Variants in RHOU observed in about 807,000 individuals in gnomAD.
The protein encoded by RHOU is rho-related GTP-binding protein RhoU.
In RHOU, 8 loss-of-function variants were observed where a neutral mutation model predicts 12.6. The observed-to-expected ratio is 0.64, with a 90% CI of 0.37 to 1.15. The LOEUF (loss-of-function observed/expected upper bound fraction) is 1.15. Among genes scored for constraint, RHOU ranks in the 50% most tolerant of loss-of-function variants. RHOU has a pLI of 0.01. For synonymous variants in RHOU, 161 were observed against 147.4 expected (o/e 1.09, Z -0.67); for missense variants, 258 against 347.0 (o/e 0.74, Z 2.04).
chr1:228,723,145 A>G, the RHOU span, among the ~76,000 whole-genome samples: 1 of 151,750 alleles, frequency 6.6e-6, no homozygotes, highest in Admixed American at 6.5e-5. Context: ...CACTCCGATG[A>G]GTGGAGGAAC....
chr1:228,687,919 C>A, the RHOU span: 1 of 739,732 alleles, frequency 1.4e-6, no homozygotes, highest in East Asian at 2.6e-5. Context: ...CCCTCTCCCT[C>A]CTCTGCTCCA....
the RHOU span, among the ~76,000 whole-genome samples, chr1:228,722,441 C>T: frequency 2.6e-4 from 40 of 152,176 alleles, no homozygotes; most frequent in Non-Finnish European, 1.9e-4. Flanking sequence ...CCTTGGAACT[C>T]CAGAGTTGTA....
upstream of RHOU, among the ~76,000 whole-genome samples, chr1:228,732,374 T>C (rs554871750): frequency 3.9e-5 from 6 of 152,306 alleles, no homozygotes; most frequent in Admixed American, 2.0e-4. Flanking sequence ...CCAAGCATTT[T>C]AGATAAGGCT....
the RHOU span, among the ~76,000 whole-genome samples, chr1:228,679,896 G>A: frequency 6.6e-6 from 1 of 152,034 alleles, no homozygotes; most frequent in Non-Finnish European, 1.5e-5. Flanking sequence ...TGTAGCCTAG[G>A]AATAGTCAGG....
At chr1:228,668,416 T>C in the RHOU span, among the ~76,000 whole-genome samples, 75 of 152,296 alleles carry the variant, frequency 4.9e-4, no homozygotes, top group East Asian at 0.013. Flanking sequence ...GCGATTGGCA[T>C]GTGAAGTGGG....
rs760051743 is a variant in RHOU, at chr1:228,743,524, G to A, written c.561G>A (p.Ala187=). The A allele has an allele frequency of 1.4e-5, 23 of 1,614,038 alleles. No individual in the cohort carries two copies. Among genetic ancestry groups the A allele is most frequent in the South Asian group, 8.8e-5 (8 of 91,080 alleles). Residue 187 remains alanine (A), a synonymous_variant, in exon 3 of 3, where the codon GCG becomes GCA. Transcript: ENST00000366691. This position sits in a 1 kb window ranked among gnomAD's most constrained non-coding sequence, Gnocchi z 5.1. ...KCKEKPVPEE[A]AKLCAEEIKA... is the part of the protein sequence containing the mutation. ...AAGAAAAGCCAGTGCCTGAAGAGGC[G>A]GCTAAGCTGTGCGCCGAGGAAATCA...
At chr1:228,699,447 CAAAAAAAAAAAAAAA>C in the RHOU span, among the ~76,000 whole-genome samples, 2 of 40,582 alleles carry the variant, frequency 4.9e-5, no homozygotes, top group African/African-American at 1.5e-4. Flanking sequence ...GAACCTGTCT[CAAAAAAAAAAAAAAA>C]AAAAAAAAAA....
At chr1:228,684,577 T>C in the RHOU span, among the ~76,000 whole-genome samples, 4 of 152,172 alleles carry the variant, frequency 2.6e-5, no homozygotes, top group Non-Finnish European at 5.9e-5. Flanking sequence ...GATCCACGTG[T>C]CTCGGCCTAA....
chr1:228,653,281 G>A, the RHOU span, among the ~76,000 whole-genome samples: 1 of 152,064 alleles, frequency 6.6e-6, no homozygotes, highest in Non-Finnish European at 1.5e-5. Context: ...TCAGCCTTAT[G>A]AATAGCTGGG....
chr1:228,732,415 C>T (rs1662514420), upstream of RHOU, among the ~76,000 whole-genome samples: 1 of 152,096 alleles, frequency 6.6e-6, no homozygotes, highest in Non-Finnish European at 1.5e-5. Context: ...AGCCCAGAAA[C>T]ATGGACCCAA....
chr1:228,730,284 T>C, the RHOU span, among the ~76,000 whole-genome samples: 8 of 152,062 alleles, frequency 5.3e-5, no homozygotes, highest in African/African-American at 1.7e-4. Flanking sequence ...GAAAAGCCAA[T>C]AGTAAGTTAT....
At chr1:228,691,568 G>GT in the RHOU span, among the ~76,000 whole-genome samples, 4 of 152,258 alleles carry the variant, frequency 2.6e-5, no homozygotes, top group East Asian at 7.7e-4. Flanking sequence ...TTCATGTCTT[G>GT]TAGAGGCTCA....
At chr1:228,724,170 C>G in the RHOU span, among the ~76,000 whole-genome samples, 1 of 152,184 alleles carries the variant, frequency 6.6e-6, no homozygotes, top group African/African-American at 2.4e-5. Flanking sequence ...TACTCTCGGC[C>G]TCACATGTAG....
At chr1:228,677,046 G>T in the RHOU span, among the ~76,000 whole-genome samples, 1 of 152,112 alleles carries the variant, frequency 6.6e-6, no homozygotes. Context: ...GTAAAGTGTT[G>T]GGGCGGTGAA....
At chr1:228,689,780 A>T in the RHOU span, among the ~76,000 whole-genome samples, 1,322 of 151,942 alleles carry the variant, frequency 8.7e-3, 2 homozygotes, top group Middle Eastern at 0.014. Context: ...TCTGAGATGG[A>T]ACAGTTTCAT....
At chr1:228,664,796 G>A in the RHOU span, among the ~76,000 whole-genome samples, 1 of 152,102 alleles carries the variant, frequency 6.6e-6, no homozygotes, top group Admixed American at 6.5e-5. Flanking sequence ...ACCATGACCG[G>A]CTAATTTTTT....
the RHOU span, among the ~76,000 whole-genome samples, chr1:228,708,012 C>T: frequency 3.3e-5 from 5 of 152,044 alleles, no homozygotes; most frequent in Non-Finnish European, 7.4e-5. Context: ...ATGAAGAATG[C>T]AGAAGCCTCA....
chr1:228,722,978 C>A, the RHOU span, among the ~76,000 whole-genome samples: 1 of 152,180 alleles, frequency 6.6e-6, no homozygotes, highest in East Asian at 1.9e-4. Context: ...GATCATGCTG[C>A]GTCTACCTTA....
At chr1:228,708,373 G>C in the RHOU span, among the ~76,000 whole-genome samples, 36 of 151,638 alleles carry the variant, frequency 2.4e-4, no homozygotes, top group Admixed American at 1.8e-3. Context: ...CACCAAAGTT[G>C]AAATGAAGGA....
Sources: allele counts gnomAD v4.1 joint callset (sites outside exome capture counted in the v4.1 genomes callset), GRCh38; gene constraint gnomAD v4.1.1; non-coding constraint Gnocchi (gnomAD v3.1); transcripts MANE v1.5; gene names NCBI Gene and HGNC (gene_info 2026-07-23, HGNC 2026-07-21).